Variants in COL24A1 observed in about 807,000 individuals in gnomAD.
COL24A1 encodes the protein collagen alpha-1(XXIV) chain.
A neutral mutation model predicts 253.9 loss-of-function variants in COL24A1; 224 were observed. The observed-to-expected ratio is 0.88, with a 90% CI of 0.79 to 0.99. The LOEUF (loss-of-function observed/expected upper bound fraction) is 0.99, where lower values mean the gene tolerates loss of function less well. Ranked by LOEUF, COL24A1 falls within the 50% of genes least tolerant of loss-of-function variation. The probability of loss-of-function intolerance (pLI) is 0.00; values close to 1 mark genes in which losing one functional copy is unlikely to be tolerated. For synonymous variants in COL24A1, 685 were observed against 673.7 expected, an observed-to-expected ratio of 1.02 and a Z score of -0.26; for missense variants, 2,131 against 2,068.5, an observed-to-expected ratio of 1.03 and a Z score of -0.59.
rs1428538579 is a variant in COL24A1, at chr1:85,832,649, G to C, written c.3681+5936C>G. 4.0e-5 allele frequency among the ~76,000 whole-genome samples: 6 copies of C among 151,060 alleles called. No individual in the cohort carries two copies. The Admixed American group carries it at 4.0e-4, about 10-fold the overall frequency. On this transcript the variant is annotated intron_variant, in intron 43 of 59. Coordinates refer to ENST00000370571, the MANE Select transcript of COL24A1 (RefSeq NM_152890.7). ...CTTGAAGAGGTCCTTCACGTCCCTT[G>C]TAAGTTGGATTCCTAGGTATTTTAT...
intron 53 of COL24A1, among the ~76,000 whole-genome samples, chr1:85,774,462 T>C (rs183249887): frequency 6.6e-6 from 1 of 152,332 alleles, no homozygotes; most frequent in East Asian, 1.9e-4. Flanking sequence ...CTCCTCCTTG[T>C]ACCTCTAGTA....
intron 47 of COL24A1, among the ~76,000 whole-genome samples, chr1:85,792,738 G>A (rs527371496): frequency 2.0e-5 from 3 of 151,210 alleles, no homozygotes; most frequent in Non-Finnish European, 4.4e-5. Context: ...ATAAGAAAAA[G>A]AAAAACAAAA....
chr1:85,997,554 T>C (rs12027751), intron 19 of COL24A1, among the ~76,000 whole-genome samples: 7 of 151,914 alleles, frequency 4.6e-5, no homozygotes, highest in African/African-American at 1.7e-4. Flanking sequence ...GGAGGCCAAC[T>C]TGGGTGGATC....
intron 24 of COL24A1, among the ~76,000 whole-genome samples, chr1:85,914,766 A>C (rs1346751700): frequency 6.6e-6 from 1 of 152,202 alleles, no homozygotes; most frequent in Non-Finnish European, 1.5e-5. Flanking sequence ...TTTACATCAT[A>C]GTATTTAAGT....
intron 45 of COL24A1, among the ~76,000 whole-genome samples, chr1:85,818,932 T>C (rs1194765912): frequency 6.6e-6 from 1 of 152,190 alleles, no homozygotes; most frequent in South Asian, 2.1e-4. Flanking sequence ...AGTTTAATAA[T>C]AACAACAAAG....
intron 43 of COL24A1, among the ~76,000 whole-genome samples, chr1:85,831,780 T>A (rs1675320786): frequency 6.6e-6 from 1 of 152,018 alleles, no homozygotes; most frequent in East Asian, 1.9e-4. Flanking sequence ...AAGGGATGCA[T>A]CTGACAGAAC....
At chr1:85,757,320 A>C (rs560512029) in intron 55 of COL24A1, among the ~76,000 whole-genome samples, 16 of 152,292 alleles carry the variant, frequency 1.1e-4, no homozygotes, top group African/African-American at 3.6e-4. Flanking sequence ...CTACAAAATG[A>C]TATGTATATG....
At chr1:85,783,265 CT>C (rs11369327) in intron 51 of COL24A1, among the ~76,000 whole-genome samples, 1,607 of 134,926 alleles carry the variant, frequency 0.012, 57 homozygotes, top group Admixed American at 0.073. Context: ...TCTGATGATT[CT>C]TTTTTTTTTT....
rs528339247 is a variant in COL24A1, at chr1:85,803,594, T to C, written c.3951+13194A>G. On this transcript the variant is annotated intron_variant, in intron 47 of 59. Coordinates refer to ENST00000370571, the MANE Select transcript of COL24A1 (RefSeq NM_152890.7). ...TCAGGATATAGGTTTGCACTTTTTTTTTTTGGTGAGAATTATCCCTAATAT... is the reference window on the plus strand; with the variant it reads ...TCAGGATATAGGTTTGCACTTTTTTCTTTTGGTGAGAATTATCCCTAATAT... 5.0e-3 allele frequency among the ~76,000 whole-genome samples: 761 copies of C among 152,220 alleles called. 6 individuals carry two copies. The highest frequency in any genetic ancestry group is 0.018 in the African/African-American group (732 of 41,578).
chr1:86,073,627 A>G (rs563601864), intron 7 of COL24A1, among the ~76,000 whole-genome samples: 5 of 152,296 alleles, frequency 3.3e-5, no homozygotes, highest in African/African-American at 9.6e-5. Flanking sequence ...GAACACCACA[A>G]TGATACTCCT....
intron 7 of COL24A1, among the ~76,000 whole-genome samples, chr1:86,071,808 C>T (rs1410129338): frequency 6.6e-6 from 1 of 152,130 alleles, no homozygotes; most frequent in East Asian, 1.9e-4. Flanking sequence ...TCAATACCTC[C>T]ACTTTCAGCA....
chr1:85,960,987 C>A, intron 24 of COL24A1: 1 of 274,774 alleles, frequency 3.6e-6, no homozygotes, highest in Non-Finnish European at 6.6e-6. Context: ...AATTAAAAAC[C>A]AAATATTAGA....
At chr1:85,997,133 T>A (rs66724882) in intron 19 of COL24A1, among the ~76,000 whole-genome samples, 1 of 144,306 alleles carries the variant, frequency 6.9e-6, no homozygotes, top group Admixed American at 6.9e-5. Context: ...AAATAATGCA[T>A]CTTACCCTGA....
At chr1:85,841,445 T>A (rs914906213) in intron 41 of COL24A1, among the ~76,000 whole-genome samples, 167 bp from the exon 42 acceptor site, 2 of 152,060 alleles carry the variant, frequency 1.3e-5, no homozygotes, top group Non-Finnish European at 2.9e-5. Flanking sequence ...TTATACAGAG[T>A]TGTAATTTGT....
chr1:85,811,044 A>G (rs1672478253), intron 47 of COL24A1, among the ~76,000 whole-genome samples: 1 of 152,196 alleles, frequency 6.6e-6, no homozygotes, highest in South Asian at 2.1e-4. Flanking sequence ...AAGTGAGATC[A>G]CAATATTCAT....
chr1:86,009,292 C>T (rs1174318841), intron 19 of COL24A1, among the ~76,000 whole-genome samples: 1 of 152,112 alleles, frequency 6.6e-6, no homozygotes, highest in East Asian at 1.9e-4. Flanking sequence ...AAATAAAGTA[C>T]AGACATAGAT....
At chr1:85,799,237 A>AAGAC in intron 47 of COL24A1, among the ~76,000 whole-genome samples, 1 of 152,082 alleles carries the variant, frequency 6.6e-6, no homozygotes, top group African/African-American at 2.4e-5. Flanking sequence ...GAAAGAAAGA[A>AAGAC]AGAAAGAAAG....
intron 20 of COL24A1, among the ~76,000 whole-genome samples, chr1:85,981,960 T>G (rs897999325): frequency 6.6e-6 from 1 of 152,136 alleles, no homozygotes; most frequent in African/African-American, 2.4e-5. Flanking sequence ...AACAGGATAT[T>G]TGCACTGCTA....
intron 26 of COL24A1, 43 bp downstream of exon 26, chr1:85,909,907 T>C: frequency 6.6e-7 from 1 of 1,518,252 alleles, no homozygotes; most frequent in East Asian, 2.3e-5. Flanking sequence ...TTGCTTTTAT[T>C]GCATTCTTTG....
Sources: gnomAD v4.1 joint callset for allele counts (sites outside exome capture counted in the v4.1 genomes callset) on GRCh38, gnomAD v4.1.1 for gene constraint, MANE v1.5 for transcripts, NCBI Gene and HGNC (gene_info 2026-07-23, HGNC 2026-07-21) for gene names.